The following ZPBP variants were observed in gnomAD, a reference collection of about 807,000 sequenced individuals.
ZPBP encodes the protein zona pellucida binding protein, also known as zona pellucida-binding protein 1.
ZPBP carries 26 observed loss-of-function variants against 44.8 expected under a neutral mutation model. That is an observed-to-expected ratio of 0.58 (90% CI 0.43 to 0.81). The LOEUF (loss-of-function observed/expected upper bound fraction) is 0.81. Ranked by LOEUF, ZPBP falls within the 30% of genes least tolerant of loss-of-function variation. The pLI is 0.00. For missense variants in ZPBP, 409 were observed against 434.0 expected (o/e 0.94, Z 0.51); for synonymous variants, 174 against 153.2 (o/e 1.14, Z -1.00).
intron 2 of ZPBP, among the ~76,000 whole-genome samples, chr7:49,853,797 G>A (rs1345566983): frequency 6.6e-6 from 1 of 152,018 alleles, no homozygotes; most frequent in Non-Finnish European, 1.5e-5. Flanking sequence ...CGTGTGCCAT[G>A]TTGGTGTGCT....
chr7:50,089,556 T>A (rs1802843183), intron 2 of ZPBP, 73 bp downstream of exon 2: 1 of 1,142,828 alleles, frequency 8.8e-7, no homozygotes, highest in South Asian at 1.3e-5. Context: ...GCATTAGCCT[T>A]TTGGAGAAGA....
intron 5 of ZPBP, among the ~76,000 whole-genome samples, chr7:50,024,466 C>T (rs199539974): frequency 1.4e-4 from 1 of 6,946 alleles, no homozygotes; most frequent in African/African-American, 6.3e-4. Flanking sequence ...ATGCATTATA[C>T]ACACACACAC....
intron 4 of ZPBP, among the ~76,000 whole-genome samples, chr7:50,036,793 A>C (rs1799850412): frequency 6.6e-6 from 1 of 152,098 alleles, no homozygotes; most frequent in Admixed American, 6.6e-5. Flanking sequence ...TAAGTGAGCT[A>C]ACTGTACAAC....
At chr7:50,066,117 C>G (rs1801488632) in intron 3 of ZPBP, among the ~76,000 whole-genome samples, 2 of 150,892 alleles carry the variant, frequency 1.3e-5, no homozygotes, top group South Asian at 4.2e-4. Context: ...GCTGCTTAAG[C>G]CTCTCTTGTG....
At chr7:49,981,495 A>T (rs1274429441) in intron 7 of ZPBP, among the ~76,000 whole-genome samples, 18 of 58,324 alleles carry the variant, frequency 3.1e-4, no homozygotes, top group African/African-American at 7.9e-4. Context: ...TATTATATAT[A>T]ATATAAATTA....
chr7:50,067,407 G>A (rs747725410), intron 3 of ZPBP, among the ~76,000 whole-genome samples: 1 of 152,226 alleles, frequency 6.6e-6, no homozygotes, highest in East Asian at 1.9e-4. Flanking sequence ...TTTGGAATCT[G>A]TGTAAATATT....
At chr7:49,974,870 G>A (rs931548771) in intron 7 of ZPBP, among the ~76,000 whole-genome samples, 1 of 152,096 alleles carries the variant, frequency 6.6e-6, no homozygotes, top group South Asian at 2.1e-4. Context: ...GCAGTTCTCA[G>A]GTCCCTAGAG....
chr7:50,063,440 G>C (rs1584149418), intron 3 of ZPBP, among the ~76,000 whole-genome samples: 2 of 152,138 alleles, frequency 1.3e-5, no homozygotes, highest in Admixed American at 1.3e-4. Context: ...TTTGGTTAAT[G>C]CCATCAACTG....
At chr7:49,955,744 AC>A (rs1269784080) in intron 7 of ZPBP, among the ~76,000 whole-genome samples, 1 of 152,192 alleles carries the variant, frequency 6.6e-6, no homozygotes, top group Admixed American at 6.5e-5. Context: ...GTTTGGTAAA[AC>A]TTAAAAACAA....
At chr7:50,011,153 C>T (rs1282248677) in intron 6 of ZPBP, among the ~76,000 whole-genome samples, 1 of 152,090 alleles carries the variant, frequency 6.6e-6, no homozygotes, top group Non-Finnish European at 1.5e-5. Flanking sequence ...GGATAATTGG[C>T]AACCCACATG....
intron 7 of ZPBP, among the ~76,000 whole-genome samples, chr7:49,981,719 A>T (rs1395963875): frequency 3.1e-5 from 3 of 97,814 alleles, no homozygotes; most frequent in Admixed American, 1.8e-4. Context: ...TATTATATAT[A>T]ATATAAATTA....
At chr7:50,055,435 G>C (rs1037765344) in intron 4 of ZPBP, among the ~76,000 whole-genome samples, 3 of 152,044 alleles carry the variant, frequency 2.0e-5, no homozygotes, top group Non-Finnish European at 2.9e-5. Context: ...CATCCTGCTG[G>C]CATTCATATA....
chr7:49,876,047 A>T (rs1239646987), intron 2 of ZPBP, among the ~76,000 whole-genome samples: 1 of 152,192 alleles, frequency 6.6e-6, no homozygotes, highest in East Asian at 1.9e-4. Flanking sequence ...TGACCTGTGT[A>T]TCAAGTATCA....
chr7:50,090,561 A>G (rs971837023), intron 1 of ZPBP, among the ~76,000 whole-genome samples: 21 of 151,508 alleles, frequency 1.4e-4, no homozygotes, highest in African/African-American at 4.6e-4. Flanking sequence ...ATATATATGC[A>G]TATATATGTG....
At chr7:49,878,389 G>GT (rs1041979875) in intron 2 of ZPBP, among the ~76,000 whole-genome samples, 2 of 152,080 alleles carry the variant, frequency 1.3e-5, no homozygotes, top group African/African-American at 4.8e-5. Context: ...ATTTCCTTTA[G>GT]TAAAGACCTG....
chr7:49,883,695 C>G (rs1431072229), intron 2 of ZPBP, among the ~76,000 whole-genome samples: 2 of 152,184 alleles, frequency 1.3e-5, no homozygotes, highest in Non-Finnish European at 2.9e-5. Flanking sequence ...GATAGCTGCA[C>G]TTCCTCAAAC....
intron 2 of ZPBP, among the ~76,000 whole-genome samples, chr7:49,869,368 T>C (rs187597598): frequency 2.0e-5 from 3 of 152,244 alleles, no homozygotes; most frequent in Admixed American, 2.0e-4. Context: ...GGTGGGTTCA[T>C]CTGGCCAGGA....
At chr7:49,871,472 T>C (rs930883073) in intron 2 of ZPBP, among the ~76,000 whole-genome samples, 6 of 152,166 alleles carry the variant, frequency 3.9e-5, no homozygotes, top group Admixed American at 3.3e-4. Flanking sequence ...TAATACACAG[T>C]GACTAAATCA....
chr7:49,955,498 G>A (rs578227348), intron 7 of ZPBP, among the ~76,000 whole-genome samples: 95 of 152,024 alleles, frequency 6.2e-4, no homozygotes, highest in Admixed American at 5.2e-4. Flanking sequence ...CAGAGATTGC[G>A]GTGAGCTGAG....
Sources: gnomAD v4.1 joint callset for allele counts (sites outside exome capture counted in the v4.1 genomes callset) on GRCh38, gnomAD v4.1.1 for gene constraint, MANE v1.5 for transcripts, NCBI Gene and HGNC (gene_info 2026-07-23, HGNC 2026-07-21) for gene names.